MYO9B: variants seen among roughly 807,000 people sequenced by gnomAD.
MYO9B encodes unconventional myosin-IXb.
In MYO9B, 71 loss-of-function variants were observed where a neutral mutation model predicts 229.5. That is an observed-to-expected ratio of 0.31 (90% CI 0.26 to 0.38). The LOEUF (loss-of-function observed/expected upper bound fraction) is 0.38. Ranked by LOEUF, MYO9B falls within the 10% of genes least tolerant of loss-of-function variation. MYO9B has a pLI of 1.00. For missense variants in MYO9B, 2,255 were observed against 2,920.5 expected (o/e 0.77, Z 5.25); for synonymous variants, 1,185 against 1,235.8 (o/e 0.96, Z 0.86).
intron 2 of MYO9B, among the ~76,000 whole-genome samples, chr19:17,105,684 G>T (rs1029101426): frequency 1.3e-5 from 2 of 152,072 alleles, no homozygotes; most frequent in Admixed American, 6.6e-5. Context: ...TTGACCTCTC[G>T]CCTCTTGTTA....
At chr19:17,104,244 G>A (rs2057772769) in intron 2 of MYO9B, among the ~76,000 whole-genome samples, 1 of 152,142 alleles carries the variant, frequency 6.6e-6, no homozygotes, top group East Asian at 1.9e-4. Flanking sequence ...AGGCCTGGGG[G>A]TTAAGGGGAT....
intron 30 of MYO9B, among the ~76,000 whole-genome samples, chr19:17,203,909 A>G (rs1238380769): frequency 1.3e-5 from 2 of 152,052 alleles, no homozygotes; most frequent in Admixed American, 6.6e-5. Flanking sequence ...ACTCAGCCCC[A>G]GGGGACCCTA....
At chr19:17,100,460 G>A (rs934978372) in intron 1 of MYO9B, among the ~76,000 whole-genome samples, 4 of 152,206 alleles carry the variant, frequency 2.6e-5, no homozygotes, top group African/African-American at 7.2e-5. Flanking sequence ...GCGACAGCAC[G>A]AGACTCTTAT....
chr19:17,107,148 T>C (rs540728403), intron 2 of MYO9B, among the ~76,000 whole-genome samples: 3 of 152,000 alleles, frequency 2.0e-5, no homozygotes. Flanking sequence ...AGTGGGAGGA[T>C]TGCTTGAGCC....
chr19:17,143,181 G>A (rs137899627), intron 2 of MYO9B, among the ~76,000 whole-genome samples: 5 of 152,122 alleles, frequency 3.3e-5, no homozygotes, highest in African/African-American at 4.8e-5. Flanking sequence ...GGAGATTGCC[G>A]TGAGCTGAGA....
At chr19:17,175,798 T>G in intron 14 of MYO9B, 57 bp downstream of exon 14, 5 of 1,285,744 alleles carry the variant, frequency 3.9e-6, no homozygotes, top group Non-Finnish European at 5.4e-6. Context: ...CAGCATTGTT[T>G]CAAACAACTT....
rs189289999 is a variant in MYO9B at position 17,152,246 on chromosome 19, A to G, written c.936-398A>G. ...GCTCACCCACTAGGGTGGCTAGAAT[A>G]AAAAAGACAGTGAATAACAAATATT... On this transcript the variant is annotated intron_variant, in intron 3 of 39. Transcript: ENST00000682292. 3.3e-5 allele frequency among the ~76,000 whole-genome samples: 5 copies of G among 151,962 alleles called. No individual in the cohort carries two copies. The East Asian group carries it at 9.7e-4, about 29-fold the overall frequency.
Position 17,192,757 on chromosome 19 carries a change from G to T in MYO9B, c.2823G>T (p.Lys941Asn). ...CCCGTGCCCACCAGGTCTTCCTGAA[G>T]GAGACGGAGCGGCAAGCCCTGCAGG... The part of the protein sequence containing the change: ...YQIGKTKVFL[K>N]ETERQALQET... Residue 941 changes from lysine (K) to asparagine (N), a missense_variant, in exon 21 of 40, where the codon AAG (lysine) becomes AAT (asparagine). By Grantham distance (94) the Lys-to-Asn change is moderately conservative. This residue lies in a region of MYO9B where 679 missense variants were observed against 770.2 expected (regional missense o/e 0.88). Coordinates refer to ENST00000682292, the MANE Select transcript of MYO9B (RefSeq NM_004145.4). 6.5e-7 allele frequency: 1 copy of T among 1,544,836 alleles called. No individual in the cohort carries two copies.
chr19:17,102,577 G>A lies in MYO9B; in HGVS notation c.840+20G>A, dbSNP rs747598655. The A allele has an allele frequency of 2.8e-5, 44 of 1,546,388 alleles. No homozygotes were observed. The highest frequency in any genetic ancestry group is 4.8e-5 in the East Asian group (2 of 42,008). Reference sequence around the variant, plus strand: ...CTGGAGGTGAGCGGGGAAGCTGGTCGGTCTGTGGGAGGGGGCATTTGTTTG... The same window carrying A: ...CTGGAGGTGAGCGGGGAAGCTGGTCAGTCTGTGGGAGGGGGCATTTGTTTG... On this transcript the variant is annotated intron_variant, in intron 2 of 39. Coordinates refer to ENST00000682292, the MANE Select transcript of MYO9B (RefSeq NM_004145.4).
chr19:17,175,529 A>C, intron 13 of MYO9B, 134 bp from the exon 14 acceptor site: 1 of 549,494 alleles, frequency 1.8e-6, no homozygotes, highest in Non-Finnish European at 3.0e-6. Flanking sequence ...CAGTGGGCCG[A>C]GATCGCGCCA....
chr19:17,115,724 C>T (rs2057896128), intron 2 of MYO9B, among the ~76,000 whole-genome samples: 1 of 151,880 alleles, frequency 6.6e-6, no homozygotes, highest in African/African-American at 2.4e-5. Flanking sequence ...CCACCTCGTC[C>T]CCCACAAAGT....
Position 17,152,683 on chromosome 19 carries a change from G to C in MYO9B, c.975G>C (p.Leu325=), listed in dbSNP as rs756394306. 3 of 1,613,346 alleles carry C rather than the reference G, an allele frequency of 1.9e-6. No individual in the cohort carries two copies. Among genetic ancestry groups the C allele is most frequent in the Non-Finnish European group, 2.5e-6 (3 of 1,179,640 alleles). Residue 325 remains leucine, a synonymous_variant, in exon 4 of 40, where the codon CTG becomes CTC. Transcript: ENST00000682292. Reference sequence around the variant, plus strand: ...AATATCTGCTTGAAAAGTCTCGCCTGGTGTCTCAGGAGAAGGATGAGAGGT... The same window carrying C: ...AATATCTGCTTGAAAAGTCTCGCCTCGTGTCTCAGGAGAAGGATGAGAGGT... ...VEKYLLEKSR[L]VSQEKDERNY...
At chr19:17,127,382 A>G (rs926744847) in intron 2 of MYO9B, among the ~76,000 whole-genome samples, 9 of 149,352 alleles carry the variant, frequency 6.0e-5, no homozygotes, top group Admixed American at 2.0e-4. Context: ...GCTGGAGTGC[A>G]GTGGCGCAAT....
At chr19:17,210,417 C>T (rs1339197765) in intron 37 of MYO9B, 37 bp downstream of exon 37, 1 of 1,553,740 alleles carries the variant, frequency 6.4e-7, no homozygotes, top group Non-Finnish European at 8.7e-7. Context: ...GTGCATGTCT[C>T]CCGGTGCAGT....
chr19:17,101,656 C>A lies in MYO9B; in HGVS notation c.-58-4C>A. ...ACCATGCCTGGCTCTGACCTCCCTT[C>A]TAGCTCCAGGACACGCGCGCCCCGA... is the stretch of plus-strand genomic sequence containing the variant. On this transcript the variant is annotated splice_polypyrimidine_tract_variant and splice_region_variant and intron_variant, in intron 1 of 39. Transcript: ENST00000682292. The surrounding 1 kb of genome is among the most constrained non-coding windows in gnomAD (Gnocchi z 4.7). The A allele has an allele frequency of 6.8e-7, 1 of 1,479,064 alleles. No individual in the cohort carries two copies. The highest frequency in any genetic ancestry group is 8.9e-7 in the Non-Finnish European group (1 of 1,118,744). 91.6% of individuals were successfully genotyped at this position (1,479,064 alleles called of 1,614,324 possible).
intron 2 of MYO9B, among the ~76,000 whole-genome samples, chr19:17,134,372 G>GT (rs2072240732): frequency 1.4e-5 from 1 of 70,406 alleles, no homozygotes; most frequent in African/African-American, 5.4e-5. Context: ...TTTTTTTTTC[G>GT]TTTTGTTTGT....
At chr19:17,092,389 CAT>C (rs1023992171) in intron 1 of MYO9B, among the ~76,000 whole-genome samples, 3 of 152,202 alleles carry the variant, frequency 2.0e-5, no homozygotes, top group Admixed American at 1.3e-4. Context: ...TAGGCATGAA[CAT>C]GTGGGTGGAC....
intron 34 of MYO9B, 125 bp downstream of exon 34, chr19:17,206,909 T>C (rs1394595631): frequency 2.5e-6 from 3 of 1,214,602 alleles, no homozygotes; most frequent in Admixed American, 2.0e-5. Context: ...CAGACCACTG[T>C]TGGGGGTTCT....
intron 2 of MYO9B, among the ~76,000 whole-genome samples, chr19:17,112,786 G>A (rs1375658461): frequency 6.6e-6 from 1 of 152,260 alleles, no homozygotes; most frequent in African/African-American, 2.4e-5. Context: ...GACCCAGTCA[G>A]AGAGGGGTCA....
Sources: gnomAD v4.1 joint callset for allele counts (sites outside exome capture counted in the v4.1 genomes callset) on GRCh38, gnomAD v4.1.1 for gene constraint, gnomAD v4.1.1 regional missense constraint, Gnocchi (gnomAD v3.1) non-coding constraint, MANE v1.5 for transcripts, NCBI Gene and HGNC (gene_info 2026-07-23, HGNC 2026-07-21) for gene names.